Variants in SPHKAP observed in about 807,000 individuals in gnomAD.
SPHKAP encodes A-kinase anchor protein SPHKAP.
SPHKAP carries 67 observed loss-of-function variants against 137.5 expected under a neutral mutation model. That is an observed-to-expected ratio of 0.49 (90% CI 0.40 to 0.60). The LOEUF (loss-of-function observed/expected upper bound fraction) is 0.60, where lower values mean the gene tolerates loss of function less well. Ranked by LOEUF, SPHKAP falls within the 20% of genes least tolerant of loss-of-function variation. The pLI is 0.00. For synonymous variants in SPHKAP, 813 were observed against 785.3 expected, an observed-to-expected ratio of 1.04 and a Z score of -0.59; for missense variants, 2,097 against 2,069.3, an observed-to-expected ratio of 1.01 and a Z score of -0.26.
intron 1 of SPHKAP, among the ~76,000 whole-genome samples, chr2:228,163,420 T>C (rs539485028): frequency 2.0e-5 from 3 of 152,284 alleles, no homozygotes; most frequent in South Asian, 2.1e-4. Context: ...TGAATTCCAA[T>C]AGCTTTTATG....
At position 227,991,004 on chromosome 2, in the gene SPHKAP, T is replaced by C. The variant is rs1192338664; in HGVS notation, c.4955A>G (p.Glu1652Gly). Residue 1652 changes from glutamate to glycine, a missense_variant, in exon 11 of 12, where the codon GAA becomes GGA. Physicochemically the swap from Glu to Gly is moderately conservative, Grantham distance 98 (BLOSUM62 -2). Transcript: ENST00000392056. ...TCCAAACCTGGTACATGATACCTTT[T>C]CAATTCTGTTTTCCTGAGATTTCTT... ...YFKKSQENRIEKFLDVVQLVH... is the reference protein window; with the variant it reads ...YFKKSQENRIGKFLDVVQLVH... 6.2e-7 allele frequency: 1 copy of C among 1,613,970 alleles called. No homozygotes were observed. Among genetic ancestry groups the C allele is most frequent in the Admixed American group, 1.7e-5 (1 of 60,020 alleles).
At position 228,018,092 on chromosome 2, in the gene SPHKAP, G is replaced by T; in HGVS notation, c.2762C>A (p.Pro921Gln). 1 of 1,614,146 alleles carries T rather than the reference G, an allele frequency of 6.2e-7. No homozygotes were observed. Among genetic ancestry groups the T allele is most frequent in the Non-Finnish European group, 8.5e-7 (1 of 1,180,036 alleles). The change falls in exon 7 of 12, where the codon CCA becomes CAA. Residue 921 changes from proline to glutamine, a missense_variant. Transcript: ENST00000392056. ...PAQSTLQTKH[P>Q]DIYCITDFAE... ...AAAGTCTGTAATGCAGTAGATGTCT[G>T]GATGCTTTGTTTGAAGCGTGGATTG...
At chr2:228,009,319 AT>A (rs1268569162) in intron 7 of SPHKAP, among the ~76,000 whole-genome samples, 5 of 152,064 alleles carry the variant, frequency 3.3e-5, no homozygotes, top group African/African-American at 9.7e-5. Context: ...GCTTTTAATA[AT>A]TTGATTATCA....
chr2:228,105,284 TA>T (rs1031117359), intron 3 of SPHKAP, among the ~76,000 whole-genome samples: 9 of 151,166 alleles, frequency 6.0e-5, no homozygotes, highest in Non-Finnish European at 8.9e-5. Context: ...AACTTTTAAT[TA>T]AAAAAAAAGT....
In SPHKAP at chr2:228,119,471, ACT is replaced by A. The variant is rs58155215; in HGVS notation, c.139-10534_139-10533del. Among the ~76,000 whole-genome samples the A allele has an allele frequency of 8.8e-4, 130 of 147,978 alleles. 2 individuals carry two copies. The highest frequency in any genetic ancestry group is 1.1e-3 in the South Asian group (5 of 4,668). On this transcript the variant is annotated intron_variant, in intron 2 of 11. Transcript: ENST00000392056. ...AAGCCTAGTATACACACACACACACACTCTCTCTCTCTCTCTCTCTCTCTCAT... is the reference window on the plus strand; with the variant it reads ...AAGCCTAGTATACACACACACACACACTCTCTCTCTCTCTCTCTCTCTCAT...
At chr2:228,064,376 C>A (rs1196588875) in intron 3 of SPHKAP, among the ~76,000 whole-genome samples, 1 of 152,074 alleles carries the variant, frequency 6.6e-6, no homozygotes, top group Non-Finnish European at 1.5e-5. Context: ...AGTTTCAGAT[C>A]AATTTTTAGT....
Position 228,060,692 on chromosome 2 carries a change from T to A in SPHKAP, c.247-33149A>T, listed in dbSNP as rs1384329564. ...CAAATCAATGATGTTTGATGAGGAA[T>A]GTTTATTCCATAAGGCATCTAATGT... is the stretch of plus-strand genomic sequence containing the variant. On this transcript the variant is annotated intron_variant, in intron 3 of 11. Coordinates refer to ENST00000392056, the MANE Select transcript of SPHKAP (RefSeq NM_001142644.2). 2.0e-5 allele frequency among the ~76,000 whole-genome samples: 3 copies of A among 152,136 alleles called. No homozygotes were observed. The East Asian group carries it at 5.8e-4, about 29-fold the overall frequency.
rs1267563553 is a variant in SPHKAP at position 228,021,922 on chromosome 2, C to G, written c.486G>C (p.Gly162=). Residue 162 remains glycine, a synonymous_variant, in exon 6 of 12, where the codon GGG becomes GGC. Coordinates refer to ENST00000392056, the MANE Select transcript of SPHKAP (RefSeq NM_001142644.2). ...PDICLVQCAR[G]NRPNSTNCII... Reference sequence around the variant, plus strand: ...TGCAGTTGGTACTGTTTGGTCTGTTCCCTCTTGCACATTGGACCAAGCAGA... The same window carrying G: ...TGCAGTTGGTACTGTTTGGTCTGTTGCCTCTTGCACATTGGACCAAGCAGA... The G allele has an allele frequency of 6.2e-7, 1 of 1,612,930 alleles. No homozygotes were observed.
chr2:228,099,949 A>G (rs185904558), intron 3 of SPHKAP, among the ~76,000 whole-genome samples: 76 of 151,910 alleles, frequency 5.0e-4, no homozygotes, highest in Non-Finnish European at 9.0e-4. Flanking sequence ...TCCTGGGTTC[A>G]CGCCATTCTC....
intron 3 of SPHKAP, among the ~76,000 whole-genome samples, chr2:228,075,421 C>A (rs557726667): frequency 3.3e-5 from 5 of 149,284 alleles, no homozygotes; most frequent in Admixed American, 2.7e-4. Flanking sequence ...AGGCTTGCTT[C>A]TTTTTTTTTT....
chr2:228,006,608 G>A (rs922216655), intron 7 of SPHKAP, among the ~76,000 whole-genome samples: 1 of 152,120 alleles, frequency 6.6e-6, no homozygotes, highest in African/African-American at 2.4e-5. Context: ...TGGAGGAGGA[G>A]AGGCGCTCTG....
chr2:228,148,056 C>T (rs1024769497), intron 1 of SPHKAP, among the ~76,000 whole-genome samples: 1 of 152,174 alleles, frequency 6.6e-6, no homozygotes, highest in African/African-American at 2.4e-5. Context: ...CAGAATACAA[C>T]GTGCTTTTGT....
At chr2:228,109,486 T>G (rs1442540369) in intron 2 of SPHKAP, 1 of 590,922 alleles carries the variant, frequency 1.7e-6, no homozygotes, top group Non-Finnish European at 2.1e-6. Context: ...TTAAATACCA[T>G]TTGCCATTTA....
At chr2:228,148,488 C>T (rs1055102300) in intron 1 of SPHKAP, among the ~76,000 whole-genome samples, 3 of 152,172 alleles carry the variant, frequency 2.0e-5, no homozygotes, top group African/African-American at 7.2e-5. Flanking sequence ...GTGTGCAGCA[C>T]AGTTTGCTGT....
At chr2:228,074,436 G>C (rs1697108675) in intron 3 of SPHKAP, among the ~76,000 whole-genome samples, 1 of 152,162 alleles carries the variant, frequency 6.6e-6, no homozygotes, top group Admixed American at 6.5e-5. Context: ...GGGGAAGCAA[G>C]ACACATCTTA....
chr2:228,150,030 G>T (rs1699884965), intron 1 of SPHKAP, among the ~76,000 whole-genome samples: 2 of 152,074 alleles, frequency 1.3e-5, no homozygotes, highest in Non-Finnish European at 2.9e-5. Context: ...CTTGCTACAG[G>T]TTTCTGTAGA....
At position 228,092,660 on chromosome 2, in the gene SPHKAP, A is replaced by T. The variant is rs1697842057; in HGVS notation, c.246+16172T>A. ...TATGTGTATATATGTATATACATAT[A>T]TATACATATACATGTGCCATGTATA... On this transcript the variant is annotated intron_variant, in intron 3 of 11. Transcript: ENST00000392056. Among the ~76,000 whole-genome samples the T allele has an allele frequency of 2.7e-5, 4 of 148,882 alleles. No homozygotes were observed. In the South Asian group the frequency reaches 8.3e-4, roughly 31 times the overall value.
intron 3 of SPHKAP, among the ~76,000 whole-genome samples, chr2:228,028,218 T>C (rs1210210318): frequency 2.6e-5 from 4 of 152,212 alleles, no homozygotes; most frequent in African/African-American, 9.7e-5. Flanking sequence ...CCTCTGTTTG[T>C]AATTGCAATA....
chr2:228,133,672 A>G (rs1270772271), intron 1 of SPHKAP, among the ~76,000 whole-genome samples: 1 of 152,212 alleles, frequency 6.6e-6, no homozygotes, highest in Non-Finnish European at 1.5e-5. Context: ...TCTTAAAACA[A>G]GTGCTAAATA....
Sources: gnomAD v4.1 joint callset for allele counts (sites outside exome capture counted in the v4.1 genomes callset) on GRCh38, gnomAD v4.1.1 for gene constraint, MANE v1.5 for transcripts, NCBI Gene and HGNC (gene_info 2026-07-23, HGNC 2026-07-21) for gene names.